ZFX: variants seen among roughly 807,000 people sequenced by gnomAD.
The protein encoded by ZFX is zinc finger protein X-linked.
For synonymous variants in ZFX, 196 were observed against 226.8 expected (o/e 0.86, Z 1.22); for missense variants, 362 against 628.3 (o/e 0.58, Z 4.53).
intron 5 of ZFX, among the ~76,000 whole-genome samples, chrX:24,195,404 G>A (rs188574925): frequency 0.01 from 1,131 of 107,970 alleles, 8 homozygotes; most frequent in Non-Finnish European, 0.017. Context: ...CCAGGCTGGA[G>A]TGCAGTGGCG....
chrX:24,174,706 T>A (rs1162866448), intron 4 of ZFX, among the ~76,000 whole-genome samples: 1 of 109,978 alleles, frequency 9.1e-6, no homozygotes, highest in Non-Finnish European at 1.9e-5. Context: ...AAATTTTCTT[T>A]TTATTATTAT....
At chrX:24,150,673 C>G (rs950783472) in intron 1 of ZFX, 3 of 113,343 alleles carry the variant, frequency 2.6e-5, no homozygotes, top group African/African-American at 9.6e-5. Context: ...ATTCCGGACA[C>G]CTGGGCTTAC....
intron 4 of ZFX, among the ~76,000 whole-genome samples, chrX:24,178,574 C>G (rs919653028): frequency 9.5e-6 from 1 of 104,745 alleles, no homozygotes; most frequent in Non-Finnish European, 1.9e-5. Flanking sequence ...CAGGACTGAG[C>G]CAGCGCGCCT....
intron 3 of ZFX, among the ~76,000 whole-genome samples, chrX:24,162,487 G>T (rs1316920290): frequency 9.0e-6 from 1 of 111,337 alleles, no homozygotes; most frequent in African/African-American, 3.3e-5. Flanking sequence ...AATTACACTG[G>T]CTGGCATTTG....
At chrX:24,185,378 T>TG (rs1041374130) in intron 5 of ZFX, among the ~76,000 whole-genome samples, 1 of 112,444 alleles carries the variant, frequency 8.9e-6, no homozygotes, top group Non-Finnish European at 1.9e-5. Context: ...TCAAACCAAT[T>TG]GAACACTTTA....
chrX:24,203,332 T>C (rs1937426692), intron 5 of ZFX, among the ~76,000 whole-genome samples: 1 of 112,148 alleles, frequency 8.9e-6, no homozygotes. Context: ...TTTGATCTCA[T>C]TGGATCTACC....
intron 4 of ZFX, among the ~76,000 whole-genome samples, chrX:24,174,154 A>G (rs766453549): frequency 9.1e-6 from 1 of 110,302 alleles, no homozygotes; most frequent in East Asian, 2.9e-4. Flanking sequence ...CGGAGGTTGC[A>G]GTGAGCTGAG....
At chrX:24,168,380 A>G (rs776781829) in intron 3 of ZFX, among the ~76,000 whole-genome samples, 1 of 112,260 alleles carries the variant, frequency 8.9e-6, no homozygotes, top group Admixed American at 9.4e-5. Context: ...TGCAAAAAGC[A>G]AAGTGAATAA....
intron 9 of ZFX, among the ~76,000 whole-genome samples, chrX:24,209,834 G>A (rs1274890185): frequency 3.6e-5 from 4 of 111,909 alleles, no homozygotes; most frequent in Non-Finnish European, 7.5e-5. Flanking sequence ...GCCTGCCTCG[G>A]CTTCCGAAAG....
chrX:24,164,497 A>G (rs41401344), intron 3 of ZFX, among the ~76,000 whole-genome samples: 2,230 of 111,944 alleles, frequency 0.02, 52 homozygotes, highest in African/African-American at 0.069. Context: ...GCCGAAAGTA[A>G]TGTATTTAGG....
At chrX:24,189,088 C>G (rs764642169) in intron 5 of ZFX, among the ~76,000 whole-genome samples, 19 of 112,053 alleles carry the variant, frequency 1.7e-4, no homozygotes, top group Non-Finnish European at 3.2e-4. Context: ...CCGCCTGCCT[C>G]GGCCTCCCAA....
intron 3 of ZFX, among the ~76,000 whole-genome samples, chrX:24,163,258 CTTTTTTTTTT>C (rs57785204): frequency 6.2e-5 from 3 of 48,163 alleles, no homozygotes; most frequent in Non-Finnish European, 1.1e-4. Context: ...CATGGATGTG[CTTTTTTTTTT>C]TTTTTTTTTT....
intron 5 of ZFX, among the ~76,000 whole-genome samples, chrX:24,181,750 G>A (rs956010602): frequency 5.4e-5 from 6 of 111,079 alleles, no homozygotes; most frequent in African/African-American, 2.0e-4. Flanking sequence ...TGATGAGAAT[G>A]TTCATTTCCC....
intron 5 of ZFX, among the ~76,000 whole-genome samples, chrX:24,204,075 T>C (rs911530136): frequency 8.9e-6 from 1 of 112,652 alleles, no homozygotes; most frequent in Admixed American, 9.4e-5. Context: ...ATGTAGTTTG[T>C]TGATTAGTGA....
chrX:24,193,684 C>T (rs1936695861), intron 5 of ZFX, among the ~76,000 whole-genome samples: 1 of 111,721 alleles, frequency 9.0e-6, no homozygotes, highest in Non-Finnish European at 1.9e-5. Context: ...CCTCTTTAAG[C>T]AATTACTTTT....
chrX:24,163,466 C>T (rs1194383320), intron 3 of ZFX, among the ~76,000 whole-genome samples: 4 of 93,904 alleles, frequency 4.3e-5, no homozygotes, highest in Non-Finnish European at 8.2e-5. Context: ...CAACCTCTGC[C>T]TCCTGGGTTC....
rs138036521 is a variant in ZFX, at chrX:24,214,633, G to C, written c.*3257G>C. 8.9e-6 allele frequency: 1 copy of C among 112,435 alleles called. No individual in the cohort carries two copies. Among genetic ancestry groups the C allele is most frequent in the East Asian group, 2.8e-4 (1 of 3,593 alleles). 9.3% of individuals were successfully genotyped at this position (112,435 alleles called of 1,213,427 possible). On this transcript the variant is annotated 3_prime_UTR_variant, in exon 10 of 10. Transcript: ENST00000304543. ...ATATTTCAGTTCTGTGAATTTGCAA[G>C]TAATATTTCAGAGAAGTTAAGAGGT...
intron 3 of ZFX, among the ~76,000 whole-genome samples, chrX:24,160,864 G>C (rs560701162): frequency 9.0e-6 from 1 of 111,335 alleles, no homozygotes; most frequent in African/African-American, 3.3e-5. Context: ...CCTATCTCTG[G>C]ATACTATGAT....
chrX:24,187,649 C>T (rs1290728698), intron 5 of ZFX, among the ~76,000 whole-genome samples: 2 of 111,438 alleles, frequency 1.8e-5, no homozygotes, highest in Non-Finnish European at 3.8e-5. Flanking sequence ...ATCATATATA[C>T]GCTATCACTT....
Sources: allele counts gnomAD v4.1 joint callset (sites outside exome capture counted in the v4.1 genomes callset), GRCh38; gene constraint gnomAD v4.1.1; transcripts MANE v1.5; gene names NCBI Gene and HGNC (gene_info 2026-07-23, HGNC 2026-07-21).